SV2B: variants seen among roughly 807,000 people sequenced by gnomAD.
SV2B encodes the protein synaptic vesicle glycoprotein 2B, also known as solute carrier family 22 member B2.
In SV2B, 41 loss-of-function variants were observed where a neutral mutation model predicts 73.9. That is an observed-to-expected ratio of 0.56 (90% CI 0.43 to 0.72). SV2B has a LOEUF of 0.72. SV2B is among the 30% of genes least tolerant of loss of function. The pLI is 0.00. For synonymous variants in SV2B, 314 were observed against 314.2 expected (o/e 1.00, Z 0.01); for missense variants, 764 against 857.8 (o/e 0.89, Z 1.37).
chr15:91,124,269 C>T lies in SV2B; in HGVS notation c.-392+23906C>T, dbSNP rs886770235. 3.3e-5 allele frequency among the ~76,000 whole-genome samples: 5 copies of T among 152,148 alleles called. No homozygotes were observed. Among genetic ancestry groups the T allele is most frequent in the African/African-American group, 9.7e-5 (4 of 41,430 alleles). The stretch of plus-strand genomic sequence containing the variant: ...GGGGAAGTCACGAATCTGTCATTTG[C>T]GATTTTAGTTTTTGTGTCTGTGGTG... On this transcript the variant is annotated intron_variant, in intron 1 of 12. Coordinates refer to ENST00000394232, the MANE Select transcript of SV2B (RefSeq NM_001323032.3). The surrounding 1 kb of genome is among the most constrained non-coding windows in gnomAD (Gnocchi z 4.6).
chr15:91,189,364 ATTGTT>A (rs759309894), intron 1 of SV2B, among the ~76,000 whole-genome samples: 31 of 152,146 alleles, frequency 2.0e-4, no homozygotes, highest in South Asian at 1.0e-3. Context: ...AAATATATGT[ATTGTT>A]TTATTTTTAT....
At chr15:91,274,275 C>T (rs1030367459) in intron 9 of SV2B, among the ~76,000 whole-genome samples, 6 of 152,178 alleles carry the variant, frequency 3.9e-5, no homozygotes, top group Non-Finnish European at 7.4e-5. Flanking sequence ...CATTAATTTG[C>T]ACTCTCACCA....
chr15:91,277,667 T>C (rs2048538020), intron 9 of SV2B, among the ~76,000 whole-genome samples: 1 of 152,252 alleles, frequency 6.6e-6, no homozygotes, highest in African/African-American at 2.4e-5. Flanking sequence ...TATTCCATGA[T>C]TTGAATGTAT....
Position 91,123,691 on chromosome 15 carries a change from G to A in SV2B, c.-392+23328G>A, listed in dbSNP as rs767222879. On this transcript the variant is annotated intron_variant, in intron 1 of 12. Transcript: ENST00000394232. This position sits in a 1 kb window ranked among gnomAD's most constrained non-coding sequence, Gnocchi z 4.7. ...GTCTAGCACTTTCTGAAGAGTAGAC[G>A]TGAGGAGCGGTAGAGTTGTGATGCA... Among the ~76,000 whole-genome samples the A allele has an allele frequency of 1.3e-5, 2 of 152,184 alleles. No homozygotes were observed. Among genetic ancestry groups the A allele is most frequent in the East Asian group, 1.9e-4 (1 of 5,190 alleles).
intron 9 of SV2B, among the ~76,000 whole-genome samples, chr15:91,271,672 A>G (rs2048321946): frequency 6.6e-6 from 1 of 152,024 alleles, no homozygotes; most frequent in South Asian, 2.1e-4. Context: ...TAAAAAGGGT[A>G]TTTTTCTCCT....
rs1398068267 is a variant in SV2B at position 91,227,297 on chromosome 15, G to A, written c.451+583G>A. 6.6e-6 allele frequency among the ~76,000 whole-genome samples: 1 copy of A among 152,214 alleles called. No homozygotes were observed. Among genetic ancestry groups the A allele is most frequent in the African/African-American group, 2.4e-5 (1 of 41,454 alleles). On this transcript the variant is annotated intron_variant, in intron 2 of 12. Transcript: ENST00000394232. This position sits in a 1 kb window ranked among gnomAD's most constrained non-coding sequence, Gnocchi z 4.5. ...GGAACCATGCTGTGAAGCACAGATG[G>A]ATTCTGCAGGATAGAGGACCAGCTT... is the stretch of plus-strand genomic sequence containing the variant.
chr15:91,275,206 T>G (rs1036400965), intron 9 of SV2B, among the ~76,000 whole-genome samples: 3 of 152,174 alleles, frequency 2.0e-5, no homozygotes, highest in Admixed American at 6.5e-5. Context: ...TTTTTGTTTT[T>G]TCTTTTCTCC....
chr15:91,176,169 T>C (rs2044301266), intron 1 of SV2B, among the ~76,000 whole-genome samples: 1 of 152,154 alleles, frequency 6.6e-6, no homozygotes, highest in Admixed American at 6.5e-5. Context: ...GATAGTTTAC[T>C]GAGAATGATG....
intron 1 of SV2B, among the ~76,000 whole-genome samples, chr15:91,177,507 G>A (rs1457251463): frequency 3.6e-4 from 53 of 147,430 alleles, no homozygotes; most frequent in African/African-American, 1.1e-3. Flanking sequence ...CACGATATTG[G>A]TTCTTCCTAC....
In SV2B at chr15:91,231,719, G is replaced by T. The variant is rs1434661170; in HGVS notation, c.451+5005G>T. Among the ~76,000 whole-genome samples, 2 of 152,170 alleles carry T rather than the reference G, an allele frequency of 1.3e-5. No homozygotes were observed. Among genetic ancestry groups the T allele is most frequent in the Non-Finnish European group, 2.9e-5 (2 of 68,034 alleles). The stretch of plus-strand genomic sequence containing the variant: ...TAGTGAGCTTCACTTTCAGGCAAGA[G>T]TTCCGTGTTTTGCCTGCAGAGTTTT... On this transcript the variant is annotated intron_variant, in intron 2 of 12. Coordinates refer to ENST00000394232, the MANE Select transcript of SV2B (RefSeq NM_001323032.3). This position sits in a 1 kb window ranked among gnomAD's most constrained non-coding sequence, Gnocchi z 4.5.
intron 1 of SV2B, among the ~76,000 whole-genome samples, chr15:91,165,387 T>G (rs916121906): frequency 6.6e-6 from 1 of 152,182 alleles, no homozygotes; most frequent in Admixed American, 6.5e-5. Flanking sequence ...GTGTACAGGC[T>G]TTTTTCTTGT....
chr15:91,243,878 T>C (rs2047121207), intron 2 of SV2B, among the ~76,000 whole-genome samples: 2 of 152,182 alleles, frequency 1.3e-5, no homozygotes, highest in Non-Finnish European at 2.9e-5. Context: ...AACCTAGAAC[T>C]TCCAGGAGGG....
In SV2B at chr15:91,224,061, G is replaced by C. The variant is rs1200791811; in HGVS notation, c.-391-1812G>C. On this transcript the variant is annotated intron_variant, in intron 1 of 12. Transcript: ENST00000394232. The surrounding 1 kb of genome is among the most constrained non-coding windows in gnomAD (Gnocchi z 4.9). ...CAGAAGGAAATGCATTGTATTGTCT[G>C]AGTCAGATGGGTTTCAGTGCTGGAG... Among the ~76,000 whole-genome samples the C allele has an allele frequency of 6.6e-6, 1 of 152,232 alleles. No individual in the cohort carries two copies. The highest frequency in any genetic ancestry group is 1.9e-4 in the East Asian group (1 of 5,198).
At chr15:91,160,149 A>T (rs527713751) in intron 1 of SV2B, among the ~76,000 whole-genome samples, 1 of 152,278 alleles carries the variant, frequency 6.6e-6, no homozygotes, top group South Asian at 2.1e-4. Flanking sequence ...AAAACCAACC[A>T]AAATATTTAA....
intron 1 of SV2B, among the ~76,000 whole-genome samples, chr15:91,187,425 G>T (rs1014566259): frequency 6.6e-6 from 1 of 152,222 alleles, no homozygotes. Flanking sequence ...TTACCAGCAT[G>T]TGAAAGTAGC....
chr15:91,287,994 C>G (rs76220865), intron 11 of SV2B, among the ~76,000 whole-genome samples: 1 of 152,042 alleles, frequency 6.6e-6, no homozygotes, highest in Non-Finnish European at 1.5e-5. Flanking sequence ...CTTCTACCCC[C>G]GGGGAGGAGT....
chr15:91,178,534 G>T (rs1176567502), intron 1 of SV2B, among the ~76,000 whole-genome samples: 2 of 152,112 alleles, frequency 1.3e-5, no homozygotes, highest in Non-Finnish European at 2.9e-5. Flanking sequence ...GACTCTTTTT[G>T]GTTGGTAAGC....
At position 91,280,155 on chromosome 15, in the gene SV2B, G is replaced by A. The variant is rs117645422; in HGVS notation, c.1374-1573G>A. Among the ~76,000 whole-genome samples, 431 of 152,264 alleles carry A rather than the reference G, an allele frequency of 2.8e-3. 1 individual carries two copies. The highest frequency in any genetic ancestry group is 4.5e-3 in the Non-Finnish European group (303 of 68,020). On this transcript the variant is annotated intron_variant, in intron 9 of 12. Transcript: ENST00000394232. The surrounding 1 kb of genome is among the most constrained non-coding windows in gnomAD (Gnocchi z 5.8). The stretch of plus-strand genomic sequence containing the variant: ...TCCTGCTTTTGGTGAACACTTGCCC[G>A]GGACTTCTTGTGTGGGGTCTTTTAG...
intron 1 of SV2B, among the ~76,000 whole-genome samples, chr15:91,120,686 C>A (rs548653850): frequency 1.3e-5 from 2 of 151,494 alleles, no homozygotes; most frequent in East Asian, 3.9e-4. Context: ...TGGTGGCATG[C>A]GCCTGTAGTC....
Sources: gnomAD v4.1 joint callset for allele counts (sites outside exome capture counted in the v4.1 genomes callset) on GRCh38, gnomAD v4.1.1 for gene constraint, Gnocchi (gnomAD v3.1) non-coding constraint, MANE v1.5 for transcripts, NCBI Gene and HGNC (gene_info 2026-07-23, HGNC 2026-07-21) for gene names.